LRP1B: variants seen among roughly 807,000 people sequenced by gnomAD.
LRP1B encodes LDL receptor related protein 1B.
Under a neutral mutation model 556.6 loss-of-function variants are expected in LRP1B, and 217 were observed. The ratio of observed to expected loss-of-function variants is 0.39; its 90% CI spans 0.35 to 0.44. LRP1B has a LOEUF of 0.44. LRP1B is among the 20% of genes least tolerant of loss of function. The pLI is 1.00. For synonymous variants in LRP1B, 2,047 were observed against 1,865.8 expected, an observed-to-expected ratio of 1.10 and a Z score of -2.50; for missense variants, 5,053 against 5,620.8, an observed-to-expected ratio of 0.90 and a Z score of 3.23.
At chr2:140,791,302 C>A (rs1019673180) in intron 32 of LRP1B, among the ~76,000 whole-genome samples, 1 of 151,350 alleles carries the variant, frequency 6.6e-6, no homozygotes, top group East Asian at 2.0e-4. Context: ...GGTGGTGTAC[C>A]CCTGTAATCT....
intron 53 of LRP1B, among the ~76,000 whole-genome samples, chr2:140,504,041 G>A (rs1689305387): frequency 6.6e-6 from 1 of 151,972 alleles, no homozygotes; most frequent in South Asian, 2.1e-4. Flanking sequence ...AACAAATACA[G>A]TGAAGTCTTA....
In LRP1B at chr2:141,397,059, AC is replaced by A. The variant is rs1323126771; in HGVS notation, c.343+83336del. Among the ~76,000 whole-genome samples, 3 of 142,998 alleles carry A rather than the reference AC, an allele frequency of 2.1e-5. No individual in the cohort carries two copies. The Admixed American group carries it at 2.2e-4, about 11-fold the overall frequency. 93.8% of individuals were successfully genotyped at this position (142,998 alleles called of 152,430 possible). A position where few individuals can be genotyped will look rare whatever the true frequency, so the allele number is the denominator to read the frequency against. On this transcript the variant is annotated intron_variant, in intron 3 of 90. Transcript: ENST00000389484. The stretch of plus-strand genomic sequence containing the variant: ...ACCTGGGGGACAAAGGTTGTGGTGA[AC>A]CAAGATCCCACCATTGCACTCTAGC...
chr2:140,756,743 G>T (rs1688753100), intron 35 of LRP1B, among the ~76,000 whole-genome samples: 1 of 152,106 alleles, frequency 6.6e-6, no homozygotes, highest in African/African-American at 2.4e-5. Flanking sequence ...TTAAATGTTA[G>T]TATCTTTGGA....
At chr2:140,996,622 A>C (rs1697252676) in intron 15 of LRP1B, among the ~76,000 whole-genome samples, 1 of 152,020 alleles carries the variant, frequency 6.6e-6, no homozygotes, top group African/African-American at 2.4e-5. Context: ...TACTGGAATT[A>C]ACAGAGATTG....
At chr2:142,075,201 G>T (rs929527645) in intron 1 of LRP1B, among the ~76,000 whole-genome samples, 1 of 152,056 alleles carries the variant, frequency 6.6e-6, no homozygotes, top group Non-Finnish European at 1.5e-5. Flanking sequence ...ATTGAGCATA[G>T]ATAATAGGAA....
chr2:141,774,116 T>A lies in LRP1B; in HGVS notation c.205+36163A>T, dbSNP rs1302510356. Among the ~76,000 whole-genome samples the A allele has an allele frequency of 8.5e-5, 13 of 152,218 alleles. 1 individual carries two copies. The highest frequency in any genetic ancestry group is 8.5e-4 in the Admixed American group (13 of 15,280). On this transcript the variant is annotated intron_variant, in intron 2 of 90. Transcript: ENST00000389484. ...CAGAAATCACAATTAAAATCACATT[T>A]TAAGAGTTTAATATAAATCTTTGCT...
chr2:140,733,497 A>G (rs1490621578), intron 35 of LRP1B, among the ~76,000 whole-genome samples: 2 of 152,172 alleles, frequency 1.3e-5, no homozygotes, highest in Non-Finnish European at 2.9e-5. Context: ...ACAGTTAAAC[A>G]AACTGGTGTA....
At chr2:140,809,348 T>G (rs11678482) in intron 32 of LRP1B, among the ~76,000 whole-genome samples, 70,502 of 151,940 alleles carry the variant, frequency 0.46, 17,529 homozygotes, top group East Asian at 0.58. Context: ...AAAAGATATG[T>G]CACAAATGGT....
intron 21 of LRP1B, among the ~76,000 whole-genome samples, chr2:140,921,270 A>G (rs1257894518): frequency 3.3e-5 from 5 of 152,094 alleles, no homozygotes; most frequent in East Asian, 1.9e-4. Flanking sequence ...CTTTAACAGC[A>G]TATTCAAGTA....
In LRP1B at chr2:141,299,978, A is replaced by C. The variant is rs996179879; in HGVS notation, c.344-45337T>G. ...CATTAGGACATGAGTCCTTTGGGGG[A>C]TAATTTATGTCTTGAGGGTGAAGCT... On this transcript the variant is annotated intron_variant, in intron 3 of 90. Transcript: ENST00000389484. 2.0e-5 allele frequency among the ~76,000 whole-genome samples: 3 copies of C among 152,134 alleles called. No individual in the cohort carries two copies. In the East Asian group the frequency reaches 5.8e-4, roughly 29 times the overall value.
chr2:140,547,570 C>T (rs1433764335), intron 43 of LRP1B, among the ~76,000 whole-genome samples: 2 of 151,784 alleles, frequency 1.3e-5, no homozygotes, highest in Non-Finnish European at 2.9e-5. Context: ...AGCCAGTGGT[C>T]TATCTAGTTT....
intron 41 of LRP1B, among the ~76,000 whole-genome samples, chr2:140,694,970 C>G (rs1239413479): frequency 6.6e-6 from 1 of 151,532 alleles, no homozygotes; most frequent in African/African-American, 2.4e-5. Flanking sequence ...CTGGATGTCC[C>G]TATTTCTTGT....
chr2:141,502,897 G>A (rs1683778250), intron 2 of LRP1B, among the ~76,000 whole-genome samples: 1 of 149,924 alleles, frequency 6.7e-6, no homozygotes, highest in Non-Finnish European at 1.5e-5. Flanking sequence ...TTAAAAATAA[G>A]ACAGCTAGGA....
At chr2:140,801,858 G>A (rs1293875207) in intron 32 of LRP1B, among the ~76,000 whole-genome samples, 3 of 152,000 alleles carry the variant, frequency 2.0e-5, no homozygotes, top group Non-Finnish European at 2.9e-5. Context: ...ATGAGAGGAA[G>A]GTAAGAGGCA....
At chr2:140,896,183 TATTAATAAATGA>T (rs1316885751) in intron 23 of LRP1B, among the ~76,000 whole-genome samples, 25 of 152,200 alleles carry the variant, frequency 1.6e-4, no homozygotes, top group Admixed American at 1.3e-3. Context: ...GAATTATAAT[TATTAATAAATGA>T]ATTAATAAAT....
intron 17 of LRP1B, among the ~76,000 whole-genome samples, chr2:140,987,604 A>C (rs568120753): frequency 6.6e-6 from 1 of 152,272 alleles, no homozygotes; most frequent in East Asian, 1.9e-4. Context: ...TTGAGCCAGC[A>C]ATGCCTTCTA....
At chr2:142,061,280 G>A (rs1234250307) in intron 1 of LRP1B, among the ~76,000 whole-genome samples, 3 of 151,906 alleles carry the variant, frequency 2.0e-5, no homozygotes. Flanking sequence ...TTAGTTTTTG[G>A]AATGAAAGAA....
chr2:141,877,697 A>C (rs1192052859), intron 1 of LRP1B, among the ~76,000 whole-genome samples: 2 of 151,996 alleles, frequency 1.3e-5, no homozygotes, highest in Non-Finnish European at 2.9e-5. Flanking sequence ...GTAATACTCA[A>C]ACTGATGTAT....
At chr2:141,368,204 G>A (rs1689112158) in intron 3 of LRP1B, among the ~76,000 whole-genome samples, 1 of 152,144 alleles carries the variant, frequency 6.6e-6, no homozygotes, top group Non-Finnish European at 1.5e-5. Context: ...ATGAATTGTG[G>A]AATGTCTTAA....
Sources: gnomAD v4.1 joint callset for allele counts (sites outside exome capture counted in the v4.1 genomes callset) on GRCh38, gnomAD v4.1.1 for gene constraint, MANE v1.5 for transcripts, NCBI Gene and HGNC (gene_info 2026-07-23, HGNC 2026-07-21) for gene names.